CSRNP3: variants seen among roughly 807,000 people sequenced by gnomAD.
The protein encoded by CSRNP3 is cysteine/serine-rich nuclear protein 3.
In CSRNP3, 12 loss-of-function variants were observed where a neutral mutation model predicts 48.0. The observed-to-expected ratio is 0.25, with a 90% CI of 0.16 to 0.41. The LOEUF is 0.41. Among genes scored for constraint, CSRNP3 ranks in the 10% least tolerant of loss-of-function variants. The pLI, the probability that CSRNP3 is intolerant of heterozygous loss-of-function variation, is 1.00. For missense variants in CSRNP3, 580 were observed against 724.4 expected (o/e 0.80, Z 2.29); for synonymous variants, 263 against 269.7 (o/e 0.98, Z 0.24).
chr2:165,613,949 G>A (rs1185017021), intron 4 of CSRNP3, among the ~76,000 whole-genome samples: 1 of 151,816 alleles, frequency 6.6e-6, no homozygotes, highest in Admixed American at 6.6e-5. Context: ...TGTCATTGGT[G>A]TTTGATAGAG....
chr2:165,478,375 A>G (rs956419268), intron 1 of CSRNP3, among the ~76,000 whole-genome samples: 1 of 152,200 alleles, frequency 6.6e-6, no homozygotes, highest in Non-Finnish European at 1.5e-5. Flanking sequence ...AATTTTTAAA[A>G]ATTTTCACTC....
At chr2:165,592,991 C>T (rs1176958501) in intron 3 of CSRNP3, among the ~76,000 whole-genome samples, 3 of 151,210 alleles carry the variant, frequency 2.0e-5, no homozygotes, top group African/African-American at 4.9e-5. Flanking sequence ...TTAGTAGAGA[C>T]GGGGTTTCAC....
intron 3 of CSRNP3, among the ~76,000 whole-genome samples, chr2:165,522,327 C>T (rs1465248549): frequency 6.8e-6 from 1 of 147,972 alleles, no homozygotes; most frequent in East Asian, 2.0e-4. Context: ...AACAAAAAAC[C>T]GCTTAACAGA....
intron 3 of CSRNP3, among the ~76,000 whole-genome samples, chr2:165,590,411 G>A (rs1558943012): frequency 6.6e-6 from 1 of 152,152 alleles, no homozygotes; most frequent in Admixed American, 6.5e-5. Flanking sequence ...ACTTTCTTTT[G>A]TATCCCCTAT....
chr2:165,498,543 A>G (rs868820963), intron 2 of CSRNP3, among the ~76,000 whole-genome samples: 14 of 152,120 alleles, frequency 9.2e-5, no homozygotes, highest in African/African-American at 3.4e-4. Flanking sequence ...CTGGCTAGGG[A>G]CAGAGTTGGA....
Position 165,657,927 on chromosome 2 carries a change from T to A in CSRNP3, c.315T>A (p.Thr105=), listed in dbSNP as rs764142469. 1 of 1,613,960 alleles carries A rather than the reference T, an allele frequency of 6.2e-7. No individual in the cohort carries two copies. The highest frequency in any genetic ancestry group is 8.5e-7 in the Non-Finnish European group (1 of 1,180,010). Residue 105 remains threonine, a synonymous_variant, in exon 5 of 7, where the codon ACT becomes ACA. Transcript: ENST00000651982. ...GCCATAACAGCGTGCGCCAGTACACTCTTGGCGAGTTTGCAAGGGAGCAGG... is the reference window on the plus strand; with the variant it reads ...GCCATAACAGCGTGCGCCAGTACACACTTGGCGAGTTTGCAAGGGAGCAGG... ...SSRHNSVRQY[T]LGEFAREQER... is the part of the protein sequence containing the mutation.
chr2:165,540,374 A>G (rs1684937597), intron 3 of CSRNP3, among the ~76,000 whole-genome samples: 1 of 152,112 alleles, frequency 6.6e-6, no homozygotes, highest in Non-Finnish European at 1.5e-5. Flanking sequence ...AGAAGCTTAT[A>G]AAGTTTCTCT....
intron 2 of CSRNP3, among the ~76,000 whole-genome samples, chr2:165,497,165 A>G (rs1298660255): frequency 6.6e-6 from 1 of 151,938 alleles, no homozygotes; most frequent in Non-Finnish European, 1.5e-5. Flanking sequence ...CACCACCATT[A>G]CTCTAGTCTG....
chr2:165,625,913 CAA>C (rs71028496), intron 4 of CSRNP3, among the ~76,000 whole-genome samples: 6 of 123,246 alleles, frequency 4.9e-5, no homozygotes, highest in African/African-American at 6.3e-5. Context: ...AACTCCATCT[CAA>C]AAAAAAAAAA....
chr2:165,557,466 G>T (rs1415632632), intron 3 of CSRNP3, among the ~76,000 whole-genome samples: 3 of 152,120 alleles, frequency 2.0e-5, no homozygotes. Context: ...GGGAGAAAAT[G>T]GGATCGAGGG....
rs757772006 is a variant in CSRNP3 at position 165,682,656 on chromosome 2, T to C, written c.*2903T>C. ...CAAACATACTTATGATGGAATCATT[T>C]CATTTTTAGTTCCTTTCCCAGAAAA... On this transcript the variant is annotated 3_prime_UTR_variant, in exon 7 of 7. Coordinates refer to ENST00000651982, the MANE Select transcript of CSRNP3 (RefSeq NM_001172173.2). The C allele has an allele frequency of 2.0e-5, 3 of 152,154 alleles. No individual in the cohort carries two copies. Among genetic ancestry groups the C allele is most frequent in the Admixed American group, 6.6e-5 (1 of 15,252 alleles). The allele number at this position is 152,154 out of a possible 1,614,324, so 9.4% of individuals were successfully genotyped here. A position where few individuals can be genotyped will look rare whatever the true frequency, so the allele number is the denominator to read the frequency against.
At chr2:165,579,878 T>G (rs940513215) in intron 3 of CSRNP3, among the ~76,000 whole-genome samples, 1 of 151,410 alleles carries the variant, frequency 6.6e-6, no homozygotes, top group African/African-American at 2.4e-5. Context: ...AAATATACAT[T>G]AGTAACCAGT....
intron 4 of CSRNP3, among the ~76,000 whole-genome samples, chr2:165,605,517 T>C (rs1685994630): frequency 6.6e-6 from 1 of 151,628 alleles, no homozygotes; most frequent in Admixed American, 6.6e-5. Context: ...CCCAGAAAAA[T>C]AGAGCGATAG....
intron 5 of CSRNP3, among the ~76,000 whole-genome samples, chr2:165,666,944 AAG>A (rs749232760): frequency 7.0e-5 from 6 of 85,746 alleles, no homozygotes; most frequent in South Asian, 5.0e-4. Context: ...AGAAGAAAGA[AAG>A]AGAGAGAGGA....
chr2:165,657,345 G>A (rs138506205), intron 4 of CSRNP3, among the ~76,000 whole-genome samples: 2,018 of 152,184 alleles, frequency 0.013, 29 homozygotes, highest in Middle Eastern at 0.024. Flanking sequence ...CCTTATCTTA[G>A]GTAGGTATGT....
chr2:165,639,432 AT>A (rs1484307888), intron 4 of CSRNP3, among the ~76,000 whole-genome samples: 3 of 152,240 alleles, frequency 2.0e-5, no homozygotes, highest in African/African-American at 7.2e-5. Flanking sequence ...AATAATGAGA[AT>A]CAACTGTTTA....
chr2:165,681,158 A>T lies in CSRNP3; in HGVS notation c.*1405A>T, dbSNP rs149557629. 1.4e-3 allele frequency: 216 copies of T among 152,280 alleles called. No individual in the cohort carries two copies. Among genetic ancestry groups the T allele is most frequent in the African/African-American group, 5.1e-3 (210 of 41,568 alleles). The allele number at this position is 152,280 out of a possible 1,614,324, so 9.4% of individuals were successfully genotyped here. ...GCACTTGGTTCGTCGGAGGACTTCT[A>T]GGATCCCGTTTCCCTGTAAATTAAT... On this transcript the variant is annotated 3_prime_UTR_variant, in exon 7 of 7. Transcript: ENST00000651982.
At chr2:165,545,331 G>A (rs765851416) in intron 3 of CSRNP3, among the ~76,000 whole-genome samples, 38 of 152,138 alleles carry the variant, frequency 2.5e-4, no homozygotes, top group Non-Finnish European at 4.7e-4. Flanking sequence ...AATATTATAA[G>A]TGGGAAAAAT....
At chr2:165,581,147 T>TG (rs1278520373) in intron 3 of CSRNP3, among the ~76,000 whole-genome samples, 1 of 152,206 alleles carries the variant, frequency 6.6e-6, no homozygotes, top group Non-Finnish European at 1.5e-5. Flanking sequence ...TTCAAACTAG[T>TG]GTATTCCACT....
Sources: allele counts gnomAD v4.1 joint callset (sites outside exome capture counted in the v4.1 genomes callset), GRCh38; gene constraint gnomAD v4.1.1; transcripts MANE v1.5; gene names NCBI Gene and HGNC (gene_info 2026-07-23, HGNC 2026-07-21).